Variants in PKNOX2 observed in about 807,000 individuals in gnomAD.
PKNOX2 encodes PBX/knotted 1 homeobox 2.
A neutral mutation model predicts 53.1 loss-of-function variants in PKNOX2; 14 were observed. The observed-to-expected ratio is 0.26, with a 90% CI of 0.17 to 0.41. PKNOX2 has a LOEUF of 0.41. Among genes scored for constraint, PKNOX2 ranks in the 10% least tolerant of loss-of-function variants. The pLI is 1.00. For missense variants in PKNOX2, 496 were observed against 602.8 expected, an observed-to-expected ratio of 0.82 and a Z score of 1.85; for synonymous variants, 257 against 242.8, an observed-to-expected ratio of 1.06 and a Z score of -0.54.
Position 125,224,922 on chromosome 11 carries a change from G to C in PKNOX2, c.-200-10123G>C, listed in dbSNP as rs1276366311. On this transcript the variant is annotated intron_variant, in intron 1 of 12. Coordinates refer to ENST00000298282, the MANE Select transcript of PKNOX2 (RefSeq NM_001382323.2). ...GGGAAGTGCCGTGGTGCCCTTTGGA[G>C]AGGACTGTGGCAGGCTTGCTGGAGT... is the stretch of plus-strand genomic sequence containing the variant. Among the ~76,000 whole-genome samples, 3 of 152,254 alleles carry C rather than the reference G, an allele frequency of 2.0e-5. No individual in the cohort carries two copies. The East Asian group carries it at 5.8e-4, about 29-fold the overall frequency.
At chr11:125,241,134 C>T (rs1024539452) in intron 2 of PKNOX2, among the ~76,000 whole-genome samples, 4 of 152,182 alleles carry the variant, frequency 2.6e-5, no homozygotes, top group African/African-American at 9.7e-5. Flanking sequence ...CTTCACGGTT[C>T]AACCCTGGTC....
At chr11:125,345,014 C>G (rs1037292634) in intron 3 of PKNOX2, among the ~76,000 whole-genome samples, 1 of 152,146 alleles carries the variant, frequency 6.6e-6, no homozygotes, top group Non-Finnish European at 1.5e-5. Context: ...AGCCTGACCT[C>G]AGCAGACTGG....
intron 2 of PKNOX2, among the ~76,000 whole-genome samples, chr11:125,294,865 A>G (rs1037760157): frequency 2.6e-5 from 4 of 152,220 alleles, no homozygotes; most frequent in Non-Finnish European, 5.9e-5. Context: ...CCTGCCTCGC[A>G]TGGAGTATTG....
chr11:125,180,200 A>C (rs1487336438), intron 1 of PKNOX2, among the ~76,000 whole-genome samples: 1 of 152,162 alleles, frequency 6.6e-6, no homozygotes, highest in Non-Finnish European at 1.5e-5. Flanking sequence ...CATCTCAATG[A>C]GGCTTTCCTC....
chr11:125,413,518 G>A lies in PKNOX2; in HGVS notation c.936+1653G>A, dbSNP rs184682366. ...CACAACCAAAATGAAAGCACCACCC[G>A]CTCCCAACTGCTCGTGGAGCTAAGT... On this transcript the variant is annotated intron_variant, in intron 10 of 12. Coordinates refer to ENST00000298282, the MANE Select transcript of PKNOX2 (RefSeq NM_001382323.2). 9.2e-5 allele frequency among the ~76,000 whole-genome samples: 14 copies of A among 152,274 alleles called. No homozygotes were observed. The East Asian group carries it at 1.5e-3, about 17-fold the overall frequency.
chr11:125,398,679 C>T (rs1381494262), intron 7 of PKNOX2, among the ~76,000 whole-genome samples: 1 of 149,378 alleles, frequency 6.7e-6, no homozygotes, highest in Non-Finnish European at 1.5e-5. Flanking sequence ...TGCAGAAATG[C>T]TGACTACACG....
chr11:125,341,228 C>T (rs559771224), intron 3 of PKNOX2, among the ~76,000 whole-genome samples: 20 of 151,108 alleles, frequency 1.3e-4, no homozygotes, highest in African/African-American at 3.9e-4. Context: ...TGGTGGTGCA[C>T]GCCTGTAGTC....
chr11:125,271,247 A>C (rs149159729), intron 2 of PKNOX2, among the ~76,000 whole-genome samples: 1 of 152,288 alleles, frequency 6.6e-6, no homozygotes, highest in African/African-American at 2.4e-5. Context: ...TTAGTTTTCA[A>C]ACTTTGCTAC....
intron 5 of PKNOX2, 115 bp downstream of exon 5, chr11:125,368,100 C>G (rs1290759214): frequency 1.5e-6 from 2 of 1,300,280 alleles, no homozygotes; most frequent in East Asian, 5.5e-5. Flanking sequence ...CGGCCAATAG[C>G]TATTCTCCCT....
intron 2 of PKNOX2, among the ~76,000 whole-genome samples, chr11:125,255,781 T>C (rs1944364582): frequency 6.6e-6 from 1 of 151,824 alleles, no homozygotes. Flanking sequence ...ATGAGCAGGG[T>C]TCTGGAGAGA....
chr11:125,220,523 T>C (rs1368495908), intron 1 of PKNOX2, among the ~76,000 whole-genome samples: 2 of 152,040 alleles, frequency 1.3e-5, no homozygotes, highest in Non-Finnish European at 2.9e-5. Context: ...CAGACATGGG[T>C]ACCTGGTGGA....
intron 10 of PKNOX2, among the ~76,000 whole-genome samples, chr11:125,413,543 T>C (rs1863588): frequency 0.18 from 26,669 of 152,092 alleles, 2,485 homozygotes; most frequent in East Asian, 0.31. Flanking sequence ...TGGAGCTAAG[T>C]CTGGCTGCGC....
At chr11:125,258,474 G>C (rs1944583305) in intron 2 of PKNOX2, among the ~76,000 whole-genome samples, 2 of 152,108 alleles carry the variant, frequency 1.3e-5, no homozygotes, top group Admixed American at 1.3e-4. Context: ...CCATTGGGTT[G>C]GCCACAGATA....
rs185311929 is a variant in PKNOX2, at chr11:125,293,655, A to G, written c.-129-38164A>G. ...TGTCTTTTGCAAATCTTGTCTCTTT[A>G]AACTCAGGGAAGAATCAGGCCGCGT... On this transcript the variant is annotated intron_variant, in intron 2 of 12. Coordinates refer to ENST00000298282, the MANE Select transcript of PKNOX2 (RefSeq NM_001382323.2). 3.1e-3 allele frequency among the ~76,000 whole-genome samples: 469 copies of G among 152,254 alleles called. 12 individuals are homozygous for G. Among genetic ancestry groups the G allele is most frequent in the Non-Finnish European group, 2.9e-4 (20 of 68,030 alleles).
chr11:125,360,146 C>CAAA (rs547553077), intron 4 of PKNOX2, among the ~76,000 whole-genome samples: 1 of 80,660 alleles, frequency 1.2e-5, no homozygotes, highest in African/African-American at 4.3e-5. Context: ...AACTCCATCT[C>CAAA]AAAAAAAAAA....
At chr11:125,167,718 G>A (rs1955000811) in intron 1 of PKNOX2, among the ~76,000 whole-genome samples, 2 of 152,210 alleles carry the variant, frequency 1.3e-5, no homozygotes, top group South Asian at 2.1e-4. Context: ...ATTGCTTTAA[G>A]TTAATGAAAG....
At chr11:125,226,024 C>G (rs1941654723) in intron 1 of PKNOX2, among the ~76,000 whole-genome samples, 1 of 152,252 alleles carries the variant, frequency 6.6e-6, no homozygotes, top group Non-Finnish European at 1.5e-5. Context: ...GGCAACTTGC[C>G]TCCTCCTTTC....
chr11:125,300,768 G>A (rs2135955721), intron 2 of PKNOX2, among the ~76,000 whole-genome samples: 1 of 152,246 alleles, frequency 6.6e-6, no homozygotes, highest in Middle Eastern at 3.4e-3. Context: ...ATCCCAACAG[G>A]CAGGGCCCTG....
chr11:125,379,901 G>A (rs1164946330), intron 5 of PKNOX2, among the ~76,000 whole-genome samples: 1 of 151,790 alleles, frequency 6.6e-6, no homozygotes, highest in East Asian at 1.9e-4. Flanking sequence ...CTGCAATTCT[G>A]TGGAGAGGGG....
Sources: gnomAD v4.1 joint callset for allele counts (sites outside exome capture counted in the v4.1 genomes callset) on GRCh38, gnomAD v4.1.1 for gene constraint, MANE v1.5 for transcripts, NCBI Gene and HGNC (gene_info 2026-07-23, HGNC 2026-07-21) for gene names.